Variants in SLC7A14 observed in about 807,000 individuals in gnomAD.
SLC7A14 encodes the protein gamma-aminobutyric acid transporter SLC7A14.
SLC7A14 carries 37 observed loss-of-function variants against 60.2 expected under a neutral mutation model. That is an observed-to-expected ratio of 0.61 (90% CI 0.47 to 0.81). SLC7A14 has a LOEUF of 0.81. Among genes scored for constraint, SLC7A14 ranks in the 30% least tolerant of loss-of-function variants. SLC7A14 has a pLI of 0.00. For synonymous variants in SLC7A14, 399 were observed against 395.8 expected, an observed-to-expected ratio of 1.01 and a Z score of -0.10; for missense variants, 886 against 982.7, an observed-to-expected ratio of 0.90 and a Z score of 1.32.
intron 2 of SLC7A14, among the ~76,000 whole-genome samples, chr3:170,508,813 T>A (rs148177403): frequency 2.0e-5 from 3 of 152,244 alleles, no homozygotes; most frequent in Non-Finnish European, 4.4e-5. Flanking sequence ...GGGAGTGGGG[T>A]ATGAAGAGAA....
chr3:170,558,672 CTGAAA>C (rs1714551983), intron 1 of SLC7A14, among the ~76,000 whole-genome samples: 1 of 152,144 alleles, frequency 6.6e-6, no homozygotes, highest in African/African-American at 2.4e-5. Flanking sequence ...GACTGTGCAG[CTGAAA>C]TTCAAATACA....
chr3:170,537,989 C>T lies in SLC7A14; in HGVS notation c.-152-10901G>A, dbSNP rs577097152. Among the ~76,000 whole-genome samples, 34 of 152,262 alleles carry T rather than the reference C, an allele frequency of 2.2e-4. 1 individual carries two copies. Among genetic ancestry groups the T allele is most frequent in the Middle Eastern group, 6.8e-3 (2 of 294 alleles). On this transcript the variant is annotated intron_variant, in intron 1 of 7. Coordinates refer to ENST00000231706, the MANE Select transcript of SLC7A14 (RefSeq NM_020949.3). Reference sequence around the variant, plus strand: ...GCAGGATTTGAGGGAAGAAAGATGACCTAATCTTGAAAGTCTTCCTAGAGA... The same window carrying T: ...GCAGGATTTGAGGGAAGAAAGATGATCTAATCTTGAAAGTCTTCCTAGAGA...
At chr3:170,531,498 G>A (rs1355000592) in intron 1 of SLC7A14, among the ~76,000 whole-genome samples, 1 of 151,958 alleles carries the variant, frequency 6.6e-6, no homozygotes, top group African/African-American at 2.4e-5. Context: ...AAGGTTGAGG[G>A]TGGCAAGAAT....
chr3:170,483,269 C>T, intron 6 of SLC7A14, 45 bp downstream of exon 6: 1 of 1,605,630 alleles, frequency 6.2e-7, no homozygotes, highest in Non-Finnish European at 8.5e-7. Flanking sequence ...TCTCCCTGGA[C>T]AGACGTGGCA....
At chr3:170,577,302 C>T (rs929716561) in intron 1 of SLC7A14, among the ~76,000 whole-genome samples, 15 of 152,132 alleles carry the variant, frequency 9.9e-5, no homozygotes, top group South Asian at 4.1e-4. Flanking sequence ...TAGGCCATCC[C>T]GCTCCCCACA....
At chr3:170,558,128 G>T (rs1303298366) in intron 1 of SLC7A14, among the ~76,000 whole-genome samples, 1 of 152,122 alleles carries the variant, frequency 6.6e-6, no homozygotes, top group African/African-American at 2.4e-5. Context: ...AGCACTTTAG[G>T]AGGCCGAGGT....
chr3:170,568,012 A>G (rs2108313618), intron 1 of SLC7A14, among the ~76,000 whole-genome samples: 1 of 152,176 alleles, frequency 6.6e-6, no homozygotes, highest in East Asian at 1.9e-4. Context: ...CTTTAGTTTA[A>G]TTAGATCCCA....
chr3:170,574,772 C>T (rs139781548), intron 1 of SLC7A14, among the ~76,000 whole-genome samples: 72 of 152,284 alleles, frequency 4.7e-4, no homozygotes, highest in African/African-American at 1.7e-3. Flanking sequence ...GTGAGGGAGC[C>T]TGAGAGTGGG....
At chr3:170,567,910 C>A (rs1213539585) in intron 1 of SLC7A14, among the ~76,000 whole-genome samples, 2 of 151,480 alleles carry the variant, frequency 1.3e-5, no homozygotes, top group African/African-American at 4.9e-5. Context: ...GGATATTAGC[C>A]CTTTGTCAGA....
At position 170,467,279 on chromosome 3, in the gene SLC7A14, C is replaced by T. The variant is rs375670950; in HGVS notation, c.2092G>A (p.Val698Met). The T allele has an allele frequency of 8.9e-5, 144 of 1,614,136 alleles. No individual in the cohort carries two copies. The highest frequency in any genetic ancestry group is 1.1e-4 in the South Asian group (10 of 91,088). The change falls in exon 8 of 8, where the codon GTG (valine) becomes ATG (methionine). Residue 698 changes from valine (V) to methionine (M), a missense_variant. Val to Met is a conservative substitution (Grantham distance 21). Coordinates refer to ENST00000231706, the MANE Select transcript of SLC7A14 (RefSeq NM_020949.3). ...LHQSTYQRYD[V>M]DDPFSVEEGF... ...TCCTCCACTGAGAAGGGGTCATCCA[C>T]GTCGTAGCGTTGGTACGTGCTTTGG...
At position 170,480,302 on chromosome 3, in the gene SLC7A14, G is replaced by A; in HGVS notation, c.1980C>T (p.Val660=). The A allele has an allele frequency of 6.5e-7, 1 of 1,531,384 alleles. No individual in the cohort carries two copies. 94.9% of individuals were successfully genotyped at this position (1,531,384 alleles called of 1,614,324 possible). A position where few individuals can be genotyped will look rare whatever the true frequency, so the allele number is the denominator to read the frequency against. ...LSTITWIRFA[V]WCFVGLLIYF... ...GAAGTTGCTTACCCACAAAGCACCA[G>A]ACCGCAAACCGGATCCATGTGATGG... The change falls in exon 7 of 8, where the codon GTC becomes GTT. Residue 660 remains valine, a synonymous_variant. Coordinates refer to ENST00000231706, the MANE Select transcript of SLC7A14 (RefSeq NM_020949.3).
intron 2 of SLC7A14, among the ~76,000 whole-genome samples, chr3:170,525,008 T>G (rs1045058700): frequency 1.3e-5 from 2 of 152,244 alleles, no homozygotes; most frequent in African/African-American, 4.8e-5. Flanking sequence ...ATGTGAGCAC[T>G]ATTTATTCTA....
In SLC7A14 at chr3:170,538,752, G is replaced by A. The variant is rs543760243; in HGVS notation, c.-152-11664C>T. Among the ~76,000 whole-genome samples the A allele has an allele frequency of 6.8e-4, 103 of 152,318 alleles. 1 individual carries two copies. The highest frequency in any genetic ancestry group is 2.5e-3 in the African/African-American group (102 of 41,556). On this transcript the variant is annotated intron_variant, in intron 1 of 7. Coordinates refer to ENST00000231706, the MANE Select transcript of SLC7A14 (RefSeq NM_020949.3). The stretch of plus-strand genomic sequence containing the variant: ...GCCCCTGCCCTCCAGGAGCTCTCAG[G>A]CTGGCCTGCAAGATGGACAAGAAGT...
chr3:170,493,599 G>A (rs1712288790), intron 4 of SLC7A14, among the ~76,000 whole-genome samples: 1 of 152,174 alleles, frequency 6.6e-6, no homozygotes, highest in South Asian at 2.1e-4. Context: ...TGTTGACGAG[G>A]CAACACACTT....
intron 1 of SLC7A14, among the ~76,000 whole-genome samples, chr3:170,575,226 C>G (rs901512534): frequency 6.6e-6 from 1 of 152,222 alleles, no homozygotes; most frequent in Admixed American, 6.5e-5. Context: ...CTTCATCTTT[C>G]TGAAGCCTCC....
At chr3:170,543,751 C>CTT (rs1177925466) in intron 1 of SLC7A14, among the ~76,000 whole-genome samples, 6 of 136,744 alleles carry the variant, frequency 4.4e-5, no homozygotes, top group African/African-American at 1.4e-4. Context: ...TTCTTTCTTT[C>CTT]TTTTTTTTTT....
Position 170,535,927 on chromosome 3 carries a change from G to T in SLC7A14, c.-152-8839C>A, listed in dbSNP as rs866320989. On this transcript the variant is annotated intron_variant, in intron 1 of 7. Transcript: ENST00000231706. This position sits in a 1 kb window ranked among gnomAD's most constrained non-coding sequence, Gnocchi z 4.3. ...TAACTTTCCTCAAAATACCAGGCTT[G>T]AGTGTGCCACGTGCTTCCTGCTGGG... Among the ~76,000 whole-genome samples, 154 of 152,154 alleles carry T rather than the reference G, an allele frequency of 1.0e-3. No homozygotes were observed. Among genetic ancestry groups the T allele is most frequent in the African/African-American group, 3.3e-3 (138 of 41,492 alleles).
intron 2 of SLC7A14, among the ~76,000 whole-genome samples, chr3:170,524,715 T>G (rs1397543593): frequency 6.6e-6 from 1 of 152,234 alleles, no homozygotes; most frequent in East Asian, 1.9e-4. Flanking sequence ...GCTATCACAT[T>G]AATAGAATTG....
chr3:170,550,867 C>T (rs1665835006), intron 1 of SLC7A14, among the ~76,000 whole-genome samples: 1 of 152,120 alleles, frequency 6.6e-6, no homozygotes, highest in South Asian at 2.1e-4. Flanking sequence ...AAAAATTCAG[C>T]ACATATATTT....
Sources: allele counts gnomAD v4.1 joint callset (sites outside exome capture counted in the v4.1 genomes callset), GRCh38; gene constraint gnomAD v4.1.1; non-coding constraint Gnocchi (gnomAD v3.1); transcripts MANE v1.5; gene names NCBI Gene and HGNC (gene_info 2026-07-23, HGNC 2026-07-21).